CNTNAP5: variants seen among roughly 807,000 people sequenced by gnomAD.
The protein encoded by CNTNAP5 is contactin associated protein family member 5, also known as contactin-associated protein-like 5.
In CNTNAP5, 72 loss-of-function variants were observed where a neutral mutation model predicts 150.2. That is an observed-to-expected ratio of 0.48 (90% CI 0.40 to 0.58). CNTNAP5 has a LOEUF of 0.58. CNTNAP5 is among the 20% of genes least tolerant of loss of function. CNTNAP5 has a pLI of 0.00. For missense variants in CNTNAP5, 1,636 were observed against 1,626.2 expected (o/e 1.01, Z -0.10); for synonymous variants, 672 against 619.8 (o/e 1.08, Z -1.25).
chr2:124,454,021 C>T (rs1693054168), intron 6 of CNTNAP5, among the ~76,000 whole-genome samples: 1 of 152,026 alleles, frequency 6.6e-6, no homozygotes, highest in Non-Finnish European at 1.5e-5. Context: ...CAACAAATAG[C>T]ACGATGAATG....
At chr2:124,284,137 A>G (rs959693936) in intron 3 of CNTNAP5, among the ~76,000 whole-genome samples, 9 of 152,202 alleles carry the variant, frequency 5.9e-5, no homozygotes, top group African/African-American at 2.2e-4. Context: ...GGTGAGGCCT[A>G]CAAGAGTAAG....
chr2:124,461,963 C>G (rs1693266620), intron 6 of CNTNAP5, among the ~76,000 whole-genome samples: 1 of 149,960 alleles, frequency 6.7e-6, no homozygotes, highest in South Asian at 2.1e-4. Context: ...ATAAAGTTCA[C>G]TAAGAAAAAA....
chr2:124,115,828 A>G (rs1432904271), intron 1 of CNTNAP5, among the ~76,000 whole-genome samples: 1 of 65,870 alleles, frequency 1.5e-5, no homozygotes, highest in Admixed American at 1.5e-4. Flanking sequence ...GTGTGTGTGT[A>G]GAGATGAGGT....
At chr2:124,637,691 A>G (rs1678000416) in intron 12 of CNTNAP5, among the ~76,000 whole-genome samples, 1 of 152,080 alleles carries the variant, frequency 6.6e-6, no homozygotes, top group South Asian at 2.1e-4. Flanking sequence ...TGCTTTTCTA[A>G]TTCTACAATT....
chr2:124,286,289 C>T (rs1281603991), intron 3 of CNTNAP5, among the ~76,000 whole-genome samples: 4 of 152,286 alleles, frequency 2.6e-5, no homozygotes, highest in African/African-American at 7.2e-5. Flanking sequence ...CATGCCTTCT[C>T]GGCGACGGCC....
intron 11 of CNTNAP5, among the ~76,000 whole-genome samples, chr2:124,575,746 G>A (rs1696269038): frequency 2.0e-5 from 3 of 152,086 alleles, no homozygotes; most frequent in Non-Finnish European, 4.4e-5. Flanking sequence ...CTTGTTTTTT[G>A]AATGTGTTCC....
At chr2:124,238,321 A>G (rs17011155) in intron 2 of CNTNAP5, among the ~76,000 whole-genome samples, 3,503 of 151,608 alleles carry the variant, frequency 0.023, 134 homozygotes, top group African/African-American at 0.078. Context: ...TCATTTGAGA[A>G]TCTCTCATCT....
intron 12 of CNTNAP5, among the ~76,000 whole-genome samples, chr2:124,643,022 C>T (rs1456922310): frequency 3.3e-5 from 5 of 152,174 alleles, no homozygotes; most frequent in Non-Finnish European, 7.3e-5. Context: ...TGCTCTGGAT[C>T]TGAATCATGA....
intron 13 of CNTNAP5, among the ~76,000 whole-genome samples, chr2:124,726,053 TCTGTAA>T (rs979324793): frequency 6.6e-6 from 1 of 152,128 alleles, no homozygotes; most frequent in Non-Finnish European, 1.5e-5. Flanking sequence ...CATACTGTTT[TCTGTAA>T]TGACAATACC....
At chr2:124,646,217 T>C (rs2105025917) in intron 12 of CNTNAP5, among the ~76,000 whole-genome samples, 1 of 152,344 alleles carries the variant, frequency 6.6e-6, no homozygotes, top group East Asian at 1.9e-4. Context: ...AAACGACATG[T>C]CCCAAGTTGT....
At position 124,297,944 on chromosome 2, in the gene CNTNAP5, A is replaced by G. The variant is rs186194238; in HGVS notation, c.381+55551A>G. 8.9e-3 allele frequency among the ~76,000 whole-genome samples: 1,346 copies of G among 151,756 alleles called. 19 individuals carry two copies. Among genetic ancestry groups the G allele is most frequent in the African/African-American group, 0.031 (1,269 of 41,388 alleles). On this transcript the variant is annotated intron_variant, in intron 3 of 23. Coordinates refer to ENST00000682447, the MANE Select transcript of CNTNAP5 (RefSeq NM_001367498.1). ...ACTGCAACCTCCGCCTCCCGGGTTC[A>G]AGCGATTCTCCTGCCTCAGCCTCCT...
intron 13 of CNTNAP5, among the ~76,000 whole-genome samples, chr2:124,660,787 T>TAC (rs1250113037): frequency 6.6e-6 from 1 of 151,266 alleles, no homozygotes; most frequent in Non-Finnish European, 1.5e-5. Flanking sequence ...AGACAAAAGA[T>TAC]ACAAAAATGA....
intron 1 of CNTNAP5, among the ~76,000 whole-genome samples, chr2:124,042,760 C>A (rs1378647715): frequency 6.6e-6 from 1 of 151,638 alleles, no homozygotes; most frequent in Non-Finnish European, 1.5e-5. Context: ...TAGACCCCCT[C>A]TTGCATAAGC....
intron 1 of CNTNAP5, among the ~76,000 whole-genome samples, chr2:124,121,805 T>G (rs1683569004): frequency 6.6e-6 from 1 of 152,272 alleles, no homozygotes; most frequent in African/African-American, 2.4e-5. Context: ...TTCCCTTATA[T>G]GAACATCAGC....
chr2:124,556,710 A>T (rs922879637), intron 10 of CNTNAP5, among the ~76,000 whole-genome samples: 1 of 152,106 alleles, frequency 6.6e-6, no homozygotes, highest in African/African-American at 2.4e-5. Flanking sequence ...GCCAGCAGGA[A>T]TTGCTCACAT....
intron 19 of CNTNAP5, among the ~76,000 whole-genome samples, chr2:124,801,195 G>A (rs1364391517): frequency 6.6e-6 from 1 of 151,994 alleles, no homozygotes; most frequent in Non-Finnish European, 1.5e-5. Context: ...TAACTCTGTG[G>A]GTAATTACTA....
chr2:124,211,363 A>G (rs1181821555), intron 1 of CNTNAP5, among the ~76,000 whole-genome samples: 1 of 152,180 alleles, frequency 6.6e-6, no homozygotes, highest in Non-Finnish European at 1.5e-5. Context: ...TTGTTCTCAC[A>G]ACAAGCCTGT....
chr2:124,204,215 C>T (rs964806672), intron 1 of CNTNAP5, among the ~76,000 whole-genome samples: 1 of 152,194 alleles, frequency 6.6e-6, no homozygotes, highest in African/African-American at 2.4e-5. Flanking sequence ...AGGACAGGGG[C>T]AAAATGCTAC....
At chr2:124,553,739 G>C (rs1458237806) in intron 10 of CNTNAP5, among the ~76,000 whole-genome samples, 1 of 152,128 alleles carries the variant, frequency 6.6e-6, no homozygotes, top group Non-Finnish European at 1.5e-5. Context: ...TCTAAAACCT[G>C]TTATTTTCAC....
Sources: gnomAD v4.1 joint callset for allele counts (sites outside exome capture counted in the v4.1 genomes callset) on GRCh38, gnomAD v4.1.1 for gene constraint, MANE v1.5 for transcripts, NCBI Gene and HGNC (gene_info 2026-07-23, HGNC 2026-07-21) for gene names.